FLT3: variants seen among roughly 807,000 people sequenced by gnomAD.
FLT3 encodes the protein receptor-type tyrosine-protein kinase FLT3.
Under a neutral mutation model 126.6 loss-of-function variants are expected in FLT3, and 46 were observed. That is an observed-to-expected ratio of 0.36 (90% CI 0.29 to 0.46). FLT3 has a LOEUF of 0.46. Among genes scored for constraint, FLT3 ranks in the 20% least tolerant of loss-of-function variants. FLT3 has a pLI of 1.00. For missense variants in FLT3, 1,069 were observed against 1,190.3 expected, an observed-to-expected ratio of 0.90 and a Z score of 1.50; for synonymous variants, 404 against 434.4, an observed-to-expected ratio of 0.93 and a Z score of 0.87.
At chr13:28,016,018 G>T (rs538790411) in intron 20 of FLT3, among the ~76,000 whole-genome samples, 1 of 152,248 alleles carries the variant, frequency 6.6e-6, no homozygotes, top group African/African-American at 2.4e-5. Context: ...TTGCCTAGGG[G>T]TAAGTGGGTA....
At chr13:28,050,945 T>C (rs1875391702) in intron 5 of FLT3, among the ~76,000 whole-genome samples, 2 of 152,222 alleles carry the variant, frequency 1.3e-5, no homozygotes, top group Admixed American at 1.3e-4. Context: ...TATGTAAACA[T>C]TTATACCTTA....
intron 1 of FLT3, among the ~76,000 whole-genome samples, chr13:28,073,015 A>AAATAAC: frequency 6.7e-6 from 1 of 150,082 alleles, no homozygotes; most frequent in African/African-American, 2.4e-5. Context: ...TAAAAAAAAA[A>AAATAAC]AACAACAACA....
At chr13:28,097,226 A>AAAAG (rs60643580) in intron 1 of FLT3, among the ~76,000 whole-genome samples, 1 of 151,032 alleles carries the variant, frequency 6.6e-6, no homozygotes, top group African/African-American at 2.5e-5. Context: ...GAAAGAAAGA[A>AAAAG]AAAGAAAGAA....
chr13:28,034,260 A>C (rs1299211227), intron 13 of FLT3, 41 bp downstream of exon 13: 1 of 1,613,512 alleles, frequency 6.2e-7, no homozygotes, highest in Non-Finnish European at 8.5e-7. Context: ...GCAGTTCTGC[A>C]GATAGAGGAA....
intron 2 of FLT3, among the ~76,000 whole-genome samples, chr13:28,063,513 T>G (rs1320532829): frequency 6.6e-6 from 1 of 152,154 alleles, no homozygotes; most frequent in Non-Finnish European, 1.5e-5. Context: ...TAAGATATAT[T>G]GACAGCAGGG....
rs199680781 is a variant in FLT3, at chr13:28,018,602, A to T, written c.2419-13T>A. 6.2e-6 allele frequency: 10 copies of T among 1,613,618 alleles called. No individual in the cohort carries two copies. The highest frequency in any genetic ancestry group is 2.5e-6 in the Non-Finnish European group (3 of 1,179,750). On this transcript the variant is annotated splice_polypyrimidine_tract_variant and intron_variant, in intron 19 of 23. Coordinates refer to ENST00000241453, the MANE Select transcript of FLT3 (RefSeq NM_004119.3). ...CTCTGTGAACACACTGTCAAGAATG[A>T]CACCAGAGTGTTATTTACTGTGATG...
chr13:28,058,921 C>T (rs1159377594), intron 3 of FLT3, among the ~76,000 whole-genome samples: 3 of 152,168 alleles, frequency 2.0e-5, no homozygotes, highest in African/African-American at 7.2e-5. Flanking sequence ...GTAGGAGGAT[C>T]ACTTGAGGCC....
At chr13:28,076,302 A>G (rs2137800940) in intron 1 of FLT3, among the ~76,000 whole-genome samples, 1 of 152,316 alleles carries the variant, frequency 6.6e-6, no homozygotes, top group East Asian at 1.9e-4. Context: ...CTCCAGAGGG[A>G]CAAAACCAAT....
chr13:28,018,876 C>T (rs1162189986), intron 19 of FLT3, among the ~76,000 whole-genome samples: 2 of 152,166 alleles, frequency 1.3e-5, no homozygotes, highest in Non-Finnish European at 2.9e-5. Context: ...TGAGAGGCTC[C>T]CCAACAGGGG....
intron 20 of FLT3, among the ~76,000 whole-genome samples, chr13:28,016,573 T>C (rs1871883054): frequency 6.6e-6 from 1 of 152,200 alleles, no homozygotes; most frequent in Admixed American, 6.5e-5. Flanking sequence ...CTGGCTGTAC[T>C]GATTTTCTTT....
In FLT3 at chr13:28,037,170, G is replaced by A. The variant is rs372166049; in HGVS notation, c.1309+15C>T. On this transcript the variant is annotated intron_variant, in intron 10 of 23. Coordinates refer to ENST00000241453, the MANE Select transcript of FLT3 (RefSeq NM_004119.3). ...ATTAAAAAATAAAAATCAAATTCTC[G>A]GCAATTTAACTTACTTCTTATATTC... 5.3e-5 allele frequency: 74 copies of A among 1,401,858 alleles called. No homozygotes were observed. Among genetic ancestry groups the A allele is most frequent in the African/African-American group, 1.3e-4 (9 of 70,392 alleles). The allele number at this position is 1,401,858 out of a possible 1,614,324, so 86.8% of individuals were successfully genotyped here. A position where few individuals can be genotyped will look rare whatever the true frequency, so the allele number is the denominator to read the frequency against.
intron 9 of FLT3, among the ~76,000 whole-genome samples, chr13:28,040,417 T>C (rs1296885938): frequency 6.6e-6 from 1 of 152,048 alleles, no homozygotes; most frequent in East Asian, 1.9e-4. Flanking sequence ...AGAATCCCAG[T>C]TGGTCCCCAA....
At position 28,090,642 on chromosome 13, in the gene FLT3, G is replaced by C. The variant is rs535843905; in HGVS notation, c.43+9826C>G. On this transcript the variant is annotated intron_variant, in intron 1 of 23. Transcript: ENST00000241453. ...AAAATACAAAAACTACCCTAGTGTG[G>C]TGGTGCACACCTGTGGTCTCAACTA... 2.0e-5 allele frequency among the ~76,000 whole-genome samples: 3 copies of C among 152,146 alleles called. No homozygotes were observed. In the South Asian group the frequency reaches 6.2e-4, roughly 32 times the overall value.
chr13:28,021,657 T>C (rs1017699770), intron 19 of FLT3, among the ~76,000 whole-genome samples: 1 of 152,190 alleles, frequency 6.6e-6, no homozygotes, highest in Non-Finnish European at 1.5e-5. Flanking sequence ...CATAGCTCAT[T>C]GCAGCCTGGA....
intron 17 of FLT3, 87 bp downstream of exon 17, chr13:28,027,001 G>T: frequency 8.5e-7 from 1 of 1,181,940 alleles, no homozygotes. Context: ...GGTGCCTTTA[G>T]AAACTGGTCA....
chr13:28,055,069 CT>C (rs1875889763), intron 4 of FLT3, among the ~76,000 whole-genome samples: 1 of 152,068 alleles, frequency 6.6e-6, no homozygotes, highest in Non-Finnish European at 1.5e-5. Context: ...GTGATTTTTA[CT>C]TTTTCTCCCT....
chr13:28,017,031 G>T (rs1412327791), intron 20 of FLT3, among the ~76,000 whole-genome samples: 1 of 152,128 alleles, frequency 6.6e-6, no homozygotes, highest in Non-Finnish European at 1.5e-5. Context: ...CAGACTCGGG[G>T]CTCAGACTAT....
chr13:28,054,541 C>A (rs1875837361), intron 4 of FLT3, among the ~76,000 whole-genome samples: 1 of 151,630 alleles, frequency 6.6e-6, no homozygotes, highest in Non-Finnish European at 1.5e-5. Context: ...AGGTAACATG[C>A]CAAAACCCCG....
At chr13:28,091,207 CTTTTTTTTTTT>C (rs572410744) in intron 1 of FLT3, among the ~76,000 whole-genome samples, 21 of 36,580 alleles carry the variant, frequency 5.7e-4, no homozygotes, top group African/African-American at 1.1e-3. Flanking sequence ...GCCCCATTTT[CTTTTTTTTTTT>C]TTTTTTTTTT....
Sources: gnomAD v4.1 joint callset for allele counts (sites outside exome capture counted in the v4.1 genomes callset) on GRCh38, gnomAD v4.1.1 for gene constraint, MANE v1.5 for transcripts, NCBI Gene and HGNC (gene_info 2026-07-23, HGNC 2026-07-21) for gene names.